The following PARD3 variants were observed in gnomAD, a reference collection of about 807,000 sequenced individuals.
PARD3 encodes the protein partitioning defective 3 homolog.
A neutral mutation model predicts 155.4 loss-of-function variants in PARD3; 75 were observed. The ratio of observed to expected loss-of-function variants is 0.48; its 90% CI spans 0.40 to 0.58. The LOEUF (loss-of-function observed/expected upper bound fraction) is 0.58, where lower values mean the gene tolerates loss of function less well. Among genes scored for constraint, PARD3 ranks in the 20% least tolerant of loss-of-function variants. The probability of loss-of-function intolerance (pLI) is 0.00; values close to 1 mark genes in which losing one functional copy is unlikely to be tolerated. For missense variants in PARD3, 1,642 were observed against 1,721.7 expected, an observed-to-expected ratio of 0.95 and a Z score of 0.82; for synonymous variants, 576 against 610.5, an observed-to-expected ratio of 0.94 and a Z score of 0.83.
intron 4 of PARD3, among the ~76,000 whole-genome samples, chr10:34,458,232 T>C (rs1295718616): frequency 1.3e-5 from 2 of 152,182 alleles, no homozygotes. Context: ...AGACAGGGTC[T>C]CACTCTGTCA....
chr10:34,451,262 G>C (rs1049292092), intron 4 of PARD3, among the ~76,000 whole-genome samples: 2 of 152,062 alleles, frequency 1.3e-5, no homozygotes, highest in South Asian at 2.1e-4. Flanking sequence ...ATAAACTAGG[G>C]GAGTCAAACT....
intron 20 of PARD3, among the ~76,000 whole-genome samples, chr10:34,295,547 G>T (rs1232918752): frequency 6.6e-6 from 1 of 152,148 alleles, no homozygotes; most frequent in Non-Finnish European, 1.5e-5. Flanking sequence ...ATCCAAGACG[G>T]AATCCTGGAA....
At chr10:34,509,003 T>C (rs1476190496) in intron 3 of PARD3, among the ~76,000 whole-genome samples, 1 of 152,212 alleles carries the variant, frequency 6.6e-6, no homozygotes, top group Non-Finnish European at 1.5e-5. Context: ...CTACTAACCT[T>C]GCCCAGTGTC....
chr10:34,312,144 T>G, intron 20 of PARD3: 1 of 828,394 alleles, frequency 1.2e-6, no homozygotes, highest in Admixed American at 2.9e-5. Flanking sequence ...TTTTCAAGCG[T>G]AATTTAAACC....
intron 12 of PARD3, among the ~76,000 whole-genome samples, chr10:34,363,772 T>G (rs754986633): frequency 6.6e-6 from 1 of 152,214 alleles, no homozygotes; most frequent in Non-Finnish European, 1.5e-5. Context: ...GTCATGTCAC[T>G]CAAGCACACC....
chr10:34,603,573 G>A (rs1398806556), intron 2 of PARD3, among the ~76,000 whole-genome samples: 1 of 152,064 alleles, frequency 6.6e-6, no homozygotes, highest in Non-Finnish European at 1.5e-5. Flanking sequence ...AAGTCAATCA[G>A]AGTTCAATAT....
chr10:34,620,891 C>T (rs757530996), intron 2 of PARD3, among the ~76,000 whole-genome samples: 1 of 152,204 alleles, frequency 6.6e-6, no homozygotes, highest in African/African-American at 2.4e-5. Flanking sequence ...ATACATCTTG[C>T]CACATTTTGC....
chr10:34,215,583 T>C (rs1440112173), intron 22 of PARD3, among the ~76,000 whole-genome samples: 4 of 152,226 alleles, frequency 2.6e-5, no homozygotes, highest in African/African-American at 9.6e-5. Context: ...AGCTGACCCA[T>C]CAAGAATTTT....
chr10:34,118,058 T>C (rs1356023608), intron 24 of PARD3, among the ~76,000 whole-genome samples: 1 of 152,174 alleles, frequency 6.6e-6, no homozygotes, highest in South Asian at 2.1e-4. Flanking sequence ...GCTGTTTCCT[T>C]GTAAGATAAG....
chr10:34,384,057 A>C, intron 8 of PARD3, 72 bp downstream of exon 8: 1 of 1,458,380 alleles, frequency 6.9e-7, no homozygotes, highest in South Asian at 1.2e-5. Context: ...ACATGTTTGA[A>C]GCATTTCAAC....
At chr10:34,129,453 T>G (rs1471977412) in intron 23 of PARD3, among the ~76,000 whole-genome samples, 1 of 152,174 alleles carries the variant, frequency 6.6e-6, no homozygotes, top group Non-Finnish European at 1.5e-5. Context: ...GTGCCTGGCC[T>G]GCAATCATTT....
chr10:34,418,061 C>A (rs1055568376), intron 5 of PARD3, among the ~76,000 whole-genome samples: 1 of 152,158 alleles, frequency 6.6e-6, no homozygotes, highest in Non-Finnish European at 1.5e-5. Context: ...TAATTCTATA[C>A]TCTAGAAGCA....
At chr10:34,619,257 C>G (rs1366830157) in intron 2 of PARD3, among the ~76,000 whole-genome samples, 1 of 151,966 alleles carries the variant, frequency 6.6e-6, no homozygotes, top group African/African-American at 2.4e-5. Context: ...CACGTGTTGG[C>G]CAGGCTGGTC....
chr10:34,460,898 T>G (rs1229858392), intron 4 of PARD3, among the ~76,000 whole-genome samples: 1 of 152,172 alleles, frequency 6.6e-6, no homozygotes, highest in East Asian at 1.9e-4. Context: ...CTGGTATAGG[T>G]ATAATTAAAT....
chr10:34,279,909 A>C (rs1037790544), intron 21 of PARD3, among the ~76,000 whole-genome samples: 9 of 152,252 alleles, frequency 5.9e-5, no homozygotes, highest in Non-Finnish European at 1.0e-4. Flanking sequence ...GGGAGGATTT[A>C]ATAAGAAATT....
At chr10:34,814,722 G>A (rs185778956) in intron 1 of PARD3, among the ~76,000 whole-genome samples, 154 bp downstream of exon 1, 3,021 of 151,806 alleles carry the variant, frequency 0.02, 51 homozygotes, top group Non-Finnish European at 0.031. Flanking sequence ...GGCGCCCGCA[G>A]TCCGGGGCGG....
intron 5 of PARD3, among the ~76,000 whole-genome samples, chr10:34,449,401 T>TA (rs1248053921): frequency 3.3e-5 from 4 of 121,562 alleles, no homozygotes; most frequent in Non-Finnish European, 6.5e-5. Context: ...TGTGAGTCAA[T>TA]AAAAACAACT....
At chr10:34,184,947 T>C (rs1360256431) in intron 22 of PARD3, among the ~76,000 whole-genome samples, 1 of 152,178 alleles carries the variant, frequency 6.6e-6, no homozygotes, top group Non-Finnish European at 1.5e-5. Context: ...GACATTCTGC[T>C]CACCCCAAGC....
In PARD3 at chr10:34,450,338, C is replaced by T. The variant is rs2076990170; in HGVS notation, c.693G>A (p.Lys231=). 6.2e-7 allele frequency: 1 copy of T among 1,613,878 alleles called. No individual in the cohort carries two copies. The highest frequency in any genetic ancestry group is 8.5e-7 in the Non-Finnish European group (1 of 1,179,902). Residue 231 remains lysine, a synonymous_variant, in exon 5 of 25, where the codon AAG becomes AAA. Transcript: ENST00000374788. The part of the protein sequence containing the change: ...SLSASHPMVG[K]WLEKQEQDED... ...TTACCTGTTCTTGTTTCTCCAGCCA[C>T]TTGCCCACCATTGGGTGACTGGCAC... is the stretch of plus-strand genomic sequence containing the variant.
Sources: allele counts gnomAD v4.1 joint callset (sites outside exome capture counted in the v4.1 genomes callset), GRCh38; gene constraint gnomAD v4.1.1; transcripts MANE v1.5; gene names NCBI Gene and HGNC (gene_info 2026-07-23, HGNC 2026-07-21).